ASZ1: variants seen among roughly 807,000 people sequenced by gnomAD.
ASZ1 encodes ankyrin repeat, SAM and basic leucine zipper domain containing 1.
ASZ1 carries 67 observed loss-of-function variants against 61.8 expected under a neutral mutation model. The ratio of observed to expected loss-of-function variants is 1.08; its 90% CI spans 0.89 to 1.33. ASZ1 has a LOEUF of 1.33. ASZ1 is among the 40% of genes most tolerant of loss of function. ASZ1 has a pLI of 0.00. For synonymous variants in ASZ1, 193 were observed against 192.7 expected, an observed-to-expected ratio of 1.00 and a Z score of -0.01; for missense variants, 577 against 554.5, an observed-to-expected ratio of 1.04 and a Z score of -0.41.
chr7:117,366,023 G>A (rs141080703), intron 12 of ASZ1, among the ~76,000 whole-genome samples: 16 of 152,316 alleles, frequency 1.1e-4, no homozygotes, highest in Non-Finnish European at 1.9e-4. Flanking sequence ...CAGCACACTC[G>A]GAGGCCGAGG....
chr7:117,371,302 T>C (rs1222772498), intron 10 of ASZ1, among the ~76,000 whole-genome samples: 1 of 152,130 alleles, frequency 6.6e-6, no homozygotes, highest in Non-Finnish European at 1.5e-5. Context: ...TATATAGTAT[T>C]TTCATTTAAG....
At chr7:117,387,306 C>CACA (rs1562850821) in intron 4 of ASZ1, among the ~76,000 whole-genome samples, 5 of 125,960 alleles carry the variant, frequency 4.0e-5, no homozygotes, top group African/African-American at 1.7e-4. Flanking sequence ...GAGACCCTGT[C>CACA]TCAACAACAA....
At chr7:117,397,092 A>C (rs1175686788) in intron 4 of ASZ1, among the ~76,000 whole-genome samples, 1 of 151,992 alleles carries the variant, frequency 6.6e-6, no homozygotes, top group Non-Finnish European at 1.5e-5. Context: ...ATTAAAAAAT[A>C]CCTACCAGAC....
rs1006245841 is a variant in ASZ1, at chr7:117,391,792, A to AT, written c.441-5984dup. On this transcript the variant is annotated intron_variant, in intron 4 of 12. Transcript: ENST00000284629. Reference sequence around the variant, plus strand: ...TGTTCAGGTTCTTTTTTGGTTTCATATTTTTTTTTCTTATTTTTTGAGACA... The same window carrying AT: ...TGTTCAGGTTCTTTTTTGGTTTCATATTTTTTTTTTCTTATTTTTTGAGACA... Among the ~76,000 whole-genome samples the AT allele has an allele frequency of 4.0e-5, 6 of 150,022 alleles. No homozygotes were observed. The South Asian group carries it at 6.4e-4, about 16-fold the overall frequency.
At chr7:117,424,787 A>T (rs1172413548) in intron 2 of ASZ1, among the ~76,000 whole-genome samples, 5 of 152,158 alleles carry the variant, frequency 3.3e-5, no homozygotes, top group African/African-American at 1.2e-4. Flanking sequence ...ACTTATTCAG[A>T]GTTTATTCAA....
chr7:117,398,729 T>A (rs1253724453), intron 4 of ASZ1, among the ~76,000 whole-genome samples: 2 of 152,328 alleles, frequency 1.3e-5, no homozygotes, highest in Admixed American at 1.3e-4. Flanking sequence ...CAGGTTACTA[T>A]CTAGCCTCTG....
chr7:117,371,329 A>G (rs1796047507), intron 10 of ASZ1, among the ~76,000 whole-genome samples: 1 of 152,194 alleles, frequency 6.6e-6, no homozygotes, highest in East Asian at 1.9e-4. Flanking sequence ...CTATTCTCTT[A>G]GCTATTAGGC....
intron 12 of ASZ1, among the ~76,000 whole-genome samples, chr7:117,364,278 G>C (rs1795889718): frequency 1.3e-5 from 2 of 152,250 alleles, no homozygotes; most frequent in South Asian, 4.1e-4. Context: ...TCTCAGCAAT[G>C]AAAGTACAGT....
chr7:117,392,145 C>G (rs1241144187), intron 4 of ASZ1, among the ~76,000 whole-genome samples: 1 of 152,132 alleles, frequency 6.6e-6, no homozygotes, highest in Non-Finnish European at 1.5e-5. Flanking sequence ...TGACATTGGT[C>G]ATTTGATAGG....
chr7:117,388,119 A>G (rs1245880710), intron 4 of ASZ1, among the ~76,000 whole-genome samples: 1 of 152,202 alleles, frequency 6.6e-6, no homozygotes, highest in Non-Finnish European at 1.5e-5. Context: ...AATAACCTGA[A>G]TAGCCCTAGA....
chr7:117,378,339 A>C (rs962863767), intron 10 of ASZ1, among the ~76,000 whole-genome samples: 1 of 152,164 alleles, frequency 6.6e-6, no homozygotes, highest in Non-Finnish European at 1.5e-5. Flanking sequence ...ACTCAACATT[A>C]AAAAACAATT....
chr7:117,390,195 A>G (rs1796437862), intron 4 of ASZ1, among the ~76,000 whole-genome samples: 1 of 150,030 alleles, frequency 6.7e-6, no homozygotes. Context: ...TTTTTGAGAC[A>G]GGGTTGTACT....
At chr7:117,382,895 A>C in intron 7 of ASZ1, 91 bp downstream of exon 7, 5 of 1,268,748 alleles carry the variant, frequency 3.9e-6, no homozygotes, top group Non-Finnish European at 5.1e-6. Flanking sequence ...AAAATATCAT[A>C]TATTTTAAAT....
At chr7:117,404,441 G>A (rs867311110) in intron 4 of ASZ1, among the ~76,000 whole-genome samples, 5 of 99,442 alleles carry the variant, frequency 5.0e-5, no homozygotes, top group Non-Finnish European at 6.1e-5. Context: ...TGACTCCTTT[G>A]TCTTTCATCC....
chr7:117,408,306 GT>G (rs1796830346), intron 4 of ASZ1, among the ~76,000 whole-genome samples: 1 of 152,258 alleles, frequency 6.6e-6, no homozygotes, highest in African/African-American at 2.4e-5. Flanking sequence ...TCAGGAACCA[GT>G]GGTTAAGACC....
intron 2 of ASZ1, among the ~76,000 whole-genome samples, chr7:117,424,262 A>G (rs1797155074): frequency 6.6e-6 from 1 of 152,204 alleles, no homozygotes; most frequent in African/African-American, 2.4e-5. Context: ...CTGACTCAAA[A>G]TGTGCTTTTA....
At chr7:117,378,823 T>C (rs1023985213) in intron 10 of ASZ1, among the ~76,000 whole-genome samples, 3 of 151,932 alleles carry the variant, frequency 2.0e-5, no homozygotes, top group Non-Finnish European at 4.4e-5. Flanking sequence ...GGTATATACA[T>C]ACCATGGAAT....
At chr7:117,389,260 T>C (rs1021172595) in intron 4 of ASZ1, among the ~76,000 whole-genome samples, 1 of 152,052 alleles carries the variant, frequency 6.6e-6, no homozygotes. Context: ...TTTGGTCTTC[T>C]ATTAATCCCA....
intron 4 of ASZ1, among the ~76,000 whole-genome samples, chr7:117,399,457 A>T (rs980601902): frequency 9.2e-5 from 14 of 152,190 alleles, no homozygotes; most frequent in Non-Finnish European, 1.6e-4. Flanking sequence ...TCTCTTCCGT[A>T]CTGTCAAATT....
Sources: gnomAD v4.1 joint callset for allele counts (sites outside exome capture counted in the v4.1 genomes callset) on GRCh38, gnomAD v4.1.1 for gene constraint, MANE v1.5 for transcripts, NCBI Gene and HGNC (gene_info 2026-07-23, HGNC 2026-07-21) for gene names.